COL28A1: variants seen among roughly 807,000 people sequenced by gnomAD.
The protein encoded by COL28A1 is collagen alpha-1(XXVIII) chain.
COL28A1 carries 161 observed loss-of-function variants against 150.2 expected under a neutral mutation model. The ratio of observed to expected loss-of-function variants is 1.07; its 90% CI spans 0.94 to 1.22. The LOEUF is 1.22. Ranked by LOEUF, COL28A1 falls within the 50% of genes most tolerant of loss-of-function variation. COL28A1 has a pLI of 0.00. For synonymous variants in COL28A1, 552 were observed against 469.7 expected, an observed-to-expected ratio of 1.18 and a Z score of -2.26; for missense variants, 1,617 against 1,388.3, an observed-to-expected ratio of 1.16 and a Z score of -2.62.
At chr7:7,531,199 G>A (rs1273739026) in intron 3 of COL28A1, 149 bp downstream of exon 3, 3 of 477,696 alleles carry the variant, frequency 6.3e-6, no homozygotes, top group Non-Finnish European at 1.1e-5. Flanking sequence ...AGAAAGTGGA[G>A]TGACACTTCA....
chr7:7,452,275 G>A (rs755847348), intron 18 of COL28A1, 44 bp downstream of exon 18: 4 of 1,584,572 alleles, frequency 2.5e-6, no homozygotes, highest in African/African-American at 1.4e-5. Flanking sequence ...CTTATATAAT[G>A]TTACATAAAG....
rs962636761 is a variant in COL28A1, at chr7:7,508,180, T to C, written c.928-1019A>G. 9.3e-5 allele frequency among the ~76,000 whole-genome samples: 14 copies of C among 150,050 alleles called. No homozygotes were observed. The East Asian group carries it at 2.6e-3, about 27-fold the overall frequency. The stretch of plus-strand genomic sequence containing the variant: ...CCGGGAGGCGGAGCTTGCAGTGAGC[T>C]GAGATCGCGCCACTGCACTCCAGCC... On this transcript the variant is annotated intron_variant, in intron 9 of 34. Transcript: ENST00000399429.
chr7:7,378,313 C>T (rs1197679360), intron 30 of COL28A1, among the ~76,000 whole-genome samples: 1 of 151,998 alleles, frequency 6.6e-6, no homozygotes, highest in African/African-American at 2.4e-5. Context: ...TTTTTTCATT[C>T]ACTATATGCT....
rs1381481709 is a variant in COL28A1 at position 7,370,708 on chromosome 7, G to A, written c.3066+17C>T. 1.3e-6 allele frequency: 2 copies of A among 1,595,438 alleles called. No individual in the cohort carries two copies. The highest frequency in any genetic ancestry group is 8.6e-7 in the Non-Finnish European group (1 of 1,167,168). ...ACACCATTTTAAGCTCACAAAGTAA[G>A]TGAGACAGTTACTTACTGACTCAGA... is the stretch of plus-strand genomic sequence containing the variant. On this transcript the variant is annotated intron_variant, in intron 33 of 34. Transcript: ENST00000399429.
At chr7:7,370,552 A>C (rs759851596) in intron 33 of COL28A1, among the ~76,000 whole-genome samples, 173 bp downstream of exon 33, 4 of 152,208 alleles carry the variant, frequency 2.6e-5, no homozygotes, top group Non-Finnish European at 5.9e-5. Context: ...ACAAAACCTA[A>C]TGCTATTTCA....
chr7:7,514,864 G>C (rs1044961747), intron 8 of COL28A1, among the ~76,000 whole-genome samples: 1 of 152,062 alleles, frequency 6.6e-6, no homozygotes, highest in Non-Finnish European at 1.5e-5. Context: ...CCAACAAACA[G>C]CTACCATTCG....
At chr7:7,519,093 G>C (rs189748112) in intron 6 of COL28A1, among the ~76,000 whole-genome samples, 132 of 152,242 alleles carry the variant, frequency 8.7e-4, no homozygotes, top group African/African-American at 2.9e-3. Context: ...CCTGAGACTG[G>C]GTAGTTTATA....
chr7:7,448,836 A>C (rs1013549178), intron 18 of COL28A1, among the ~76,000 whole-genome samples: 1 of 152,086 alleles, frequency 6.6e-6, no homozygotes, highest in Non-Finnish European at 1.5e-5. Flanking sequence ...GCATTAAAAG[A>C]AGCCAGAAAA....
At chr7:7,389,343 T>C (rs1397866257) in intron 27 of COL28A1, among the ~76,000 whole-genome samples, 1 of 152,186 alleles carries the variant, frequency 6.6e-6, no homozygotes, top group African/African-American at 2.4e-5. Context: ...TCTGTTCTGT[T>C]CCACTGGTCA....
downstream of COL28A1, among the ~76,000 whole-genome samples, chr7:7,354,671 A>G (rs1780308577): frequency 6.6e-6 from 1 of 152,220 alleles, no homozygotes; most frequent in Admixed American, 6.5e-5. Context: ...GTGAAACTCT[A>G]AAACTAAGAA....
chr7:7,351,479 G>T (rs899468550), downstream of COL28A1, among the ~76,000 whole-genome samples: 1 of 152,064 alleles, frequency 6.6e-6, no homozygotes, highest in African/African-American at 2.4e-5. Flanking sequence ...GTTGCTTGGG[G>T]TGTTTGTCTA....
intron 33 of COL28A1, among the ~76,000 whole-genome samples, chr7:7,362,459 C>T (rs1325597400): frequency 6.6e-6 from 1 of 152,098 alleles, no homozygotes; most frequent in Non-Finnish European, 1.5e-5. Context: ...TCATTAACTG[C>T]CGTCTGCCAG....
At chr7:7,348,512 A>T in the COL28A1 span, among the ~76,000 whole-genome samples, 4 of 152,138 alleles carry the variant, frequency 2.6e-5, no homozygotes, top group Admixed American at 6.5e-5. Flanking sequence ...AGATACTTTT[A>T]AAAACATTTA....
chr7:7,443,494 G>C, intron 20 of COL28A1, 91 bp downstream of exon 20: 7 of 1,563,254 alleles, frequency 4.5e-6, no homozygotes, highest in Non-Finnish European at 5.2e-6. Flanking sequence ...CATTGACATA[G>C]TAAGAATAAC....
chr7:7,521,221 T>TA (rs1205695291), intron 5 of COL28A1, among the ~76,000 whole-genome samples: 1 of 152,144 alleles, frequency 6.6e-6, no homozygotes. Context: ...AGATAAATGT[T>TA]AAAAAAATGC....
chr7:7,465,385 C>A (rs1285342874), intron 15 of COL28A1, among the ~76,000 whole-genome samples: 1 of 141,426 alleles, frequency 7.1e-6, no homozygotes, highest in South Asian at 2.5e-4. Context: ...CCGAATATTG[C>A]GCTTTTCAGA....
In COL28A1 at chr7:7,501,169, T is replaced by C. The variant is rs188469327; in HGVS notation, c.1026+4845A>G. 3.3e-5 allele frequency among the ~76,000 whole-genome samples: 5 copies of C among 152,306 alleles called. No individual in the cohort carries two copies. The East Asian group carries it at 5.8e-4, about 18-fold the overall frequency. The stretch of plus-strand genomic sequence containing the variant: ...ATGCTAAGTTTCTTACACTTGACTG[T>C]ACAGCAAGAAGAAAACACTTAGGAC... On this transcript the variant is annotated intron_variant, in intron 11 of 34. Coordinates refer to ENST00000399429, the MANE Select transcript of COL28A1 (RefSeq NM_001037763.3).
chr7:7,484,797 G>A (rs1164220914), intron 13 of COL28A1, among the ~76,000 whole-genome samples: 1 of 152,128 alleles, frequency 6.6e-6, no homozygotes, highest in Non-Finnish European at 1.5e-5. Context: ...ATATTGCACA[G>A]CCATAAGAAA....
chr7:7,455,536 TTCC>T (rs1484169369), intron 16 of COL28A1, among the ~76,000 whole-genome samples: 331 of 152,328 alleles, frequency 2.2e-3, no homozygotes, highest in African/African-American at 7.4e-3. Flanking sequence ...TTTGCTTCTA[TTCC>T]AGAAGTTTGC....
Sources: gnomAD v4.1 joint callset for allele counts (sites outside exome capture counted in the v4.1 genomes callset) on GRCh38, gnomAD v4.1.1 for gene constraint, MANE v1.5 for transcripts, NCBI Gene and HGNC (gene_info 2026-07-23, HGNC 2026-07-21) for gene names.